The following SPATA13 variants were observed in gnomAD, a reference collection of about 807,000 sequenced individuals.
SPATA13 encodes spermatogenesis associated 13.
A neutral mutation model predicts 104.0 loss-of-function variants in SPATA13; 50 were observed. The ratio of observed to expected loss-of-function variants is 0.48; its 90% CI spans 0.38 to 0.61. The LOEUF (loss-of-function observed/expected upper bound fraction) is 0.61, where lower values mean the gene tolerates loss of function less well. Ranked by LOEUF, SPATA13 falls within the 20% of genes least tolerant of loss-of-function variation. The probability of loss-of-function intolerance (pLI) is 0.00; values close to 1 mark genes in which losing one functional copy is unlikely to be tolerated. For missense variants in SPATA13, 1,524 were observed against 1,690.6 expected, an observed-to-expected ratio of 0.90 and a Z score of 1.73; for synonymous variants, 606 against 667.5, an observed-to-expected ratio of 0.91 and a Z score of 1.42.
chr13:24,165,690 G>T (rs778488595), intron 1 of SPATA13, among the ~76,000 whole-genome samples: 29 of 152,186 alleles, frequency 1.9e-4, no homozygotes, highest in Non-Finnish European at 3.8e-4. Flanking sequence ...TCCAATGGGG[G>T]CAGGAGGCTG....
intron 4 of SPATA13, chr13:24,270,868 G>T: frequency 6.2e-7 from 1 of 1,612,850 alleles, no homozygotes; most frequent in East Asian, 2.2e-5. Context: ...ATGGTAGCTA[G>T]AGGGGAGATA....
intron 2 of SPATA13, among the ~76,000 whole-genome samples, chr13:23,986,110 G>C (rs1032113877): frequency 1.3e-5 from 2 of 152,164 alleles, no homozygotes; most frequent in Non-Finnish European, 2.9e-5. Flanking sequence ...ATGCAGTTCT[G>C]GTGTGTTAGG....
Position 24,222,969 on chromosome 13 carries a change from G to A in SPATA13, c.40G>A (p.Glu14Lys). The change falls in exon 2 of 13, where the codon GAG becomes AAG. Residue 14 changes from glutamate to lysine, a missense_variant. Glu to Lys is a moderately conservative substitution (Grantham distance 56). Around this residue, in one of 2 missense-constraint regions of SPATA13, gnomAD observed 1,089 missense variants for 1,135.9 expected, o/e 0.96. Coordinates refer to ENST00000382108, the MANE Select transcript of SPATA13 (RefSeq NM_001166271.3). Reference protein sequence around the residue: ...AAVRPWAPCLENMTTAPNGLG... With the variant: ...AAVRPWAPCLKNMTTAPNGLG... ...CGTGCGGCCCTGGGCACCCTGCCTG[G>A]AGAACATGACCACTGCCCCAAACGG... is the stretch of plus-strand genomic sequence containing the variant. The A allele has an allele frequency of 1.3e-6, 2 of 1,551,378 alleles. No homozygotes were observed. Among genetic ancestry groups the A allele is most frequent in the South Asian group, 2.4e-5 (2 of 84,022 alleles).
intron 5 of SPATA13, among the ~76,000 whole-genome samples, chr13:24,284,642 C>T (rs561417041): frequency 5.3e-5 from 8 of 152,148 alleles, no homozygotes; most frequent in African/African-American, 7.2e-5. Context: ...CCAGCCTGGG[C>T]GACAGAGCGA....
intron 3 of SPATA13, among the ~76,000 whole-genome samples, chr13:24,113,130 C>A (rs939625233): frequency 6.6e-6 from 1 of 152,188 alleles, no homozygotes; most frequent in Non-Finnish European, 1.5e-5. Context: ...AAAGGCTAAC[C>A]GGACAATGTC....
chr13:24,173,090 C>CT (rs1566132385), intron 1 of SPATA13, among the ~76,000 whole-genome samples: 1 of 151,896 alleles, frequency 6.6e-6, no homozygotes, highest in Non-Finnish European at 1.5e-5. Flanking sequence ...TAAATATATA[C>CT]TTTTTGAGAC....
At position 24,100,821 on chromosome 13, in the gene SPATA13, A is replaced by G. The variant is rs376403950; in HGVS notation, c.-112+83120A>G. On this transcript the variant is annotated intron_variant, in intron 3 of 14. Transcript: ENST00000424834. Reference sequence around the variant, plus strand: ...TGTTGCAAGATGCATTTCACTGCACATCTTCATCCAAGCTTCCCACCCTCC... The same window carrying G: ...TGTTGCAAGATGCATTTCACTGCACGTCTTCATCCAAGCTTCCCACCCTCC... Among the ~76,000 whole-genome samples, 21 of 152,330 alleles carry G rather than the reference A, an allele frequency of 1.4e-4. No homozygotes were observed. In the South Asian group the frequency reaches 4.4e-3, roughly 32 times the overall value.
intron 3 of SPATA13, among the ~76,000 whole-genome samples, chr13:24,144,818 C>T (rs1316061019): frequency 5.3e-5 from 8 of 152,198 alleles, no homozygotes; most frequent in Non-Finnish European, 1.2e-4. Flanking sequence ...TGAGCAAATC[C>T]TTGCACCCTC....
intron 1 of SPATA13, among the ~76,000 whole-genome samples, chr13:24,194,456 C>T (rs1429544423): frequency 1.3e-5 from 2 of 152,122 alleles, no homozygotes; most frequent in Non-Finnish European, 2.9e-5. Context: ...ACTGACAGAG[C>T]GAACCATCCA....
intron 2 of SPATA13, among the ~76,000 whole-genome samples, chr13:23,997,531 A>G (rs1875753623): frequency 8.3e-6 from 1 of 120,686 alleles, no homozygotes; most frequent in Non-Finnish European, 1.7e-5. Context: ...ATTGCTTAGT[A>G]GTTATATTAG....
rs1223442521 is a variant in SPATA13, at chr13:24,290,793, A to C, written c.2989A>C (p.Ile997Leu). Reference protein sequence around the residue: ...RLLQQMIDIAIDGFLLTPVQK... With the variant: ...RLLQQMIDIALDGFLLTPVQK... ...GCTGCAGCAGATGATTGACATCGCCATCGACGGGTTCCTGCTCACACCAGT... is the reference window on the plus strand; with the variant it reads ...GCTGCAGCAGATGATTGACATCGCCCTCGACGGGTTCCTGCTCACACCAGT... The change falls in exon 9 of 13, where the codon ATC becomes CTC. Residue 997 changes from isoleucine to leucine, a missense_variant. Ile to Leu is a conservative substitution (Grantham distance 5). Around this residue, in one of 2 missense-constraint regions of SPATA13, gnomAD observed 435 missense variants for 554.8 expected, o/e 0.78. Coordinates refer to ENST00000382108, the MANE Select transcript of SPATA13 (RefSeq NM_001166271.3). 1 of 1,614,092 alleles carries C rather than the reference A, an allele frequency of 6.2e-7. No individual in the cohort carries two copies. The highest frequency in any genetic ancestry group is 1.3e-5 in the African/African-American group (1 of 74,944).
intron 1 of SPATA13, among the ~76,000 whole-genome samples, chr13:24,182,385 C>T (rs949310636): frequency 6.6e-6 from 1 of 152,076 alleles, no homozygotes; most frequent in African/African-American, 2.4e-5. Context: ...GTACAGGAAA[C>T]ATAGTGCCAG....
rs554863116 is a variant in SPATA13 at position 24,172,161 on chromosome 13, C to G, written c.-112+11229C>G. Among the ~76,000 whole-genome samples, 4 of 152,324 alleles carry G rather than the reference C, an allele frequency of 2.6e-5. No individual in the cohort carries two copies. The South Asian group carries it at 8.3e-4, about 32-fold the overall frequency. ...CTGCCTTTCTCCCTGAGAGCCACTA[C>G]TTTATTCTCTATATAATTTTATCCT... is the stretch of plus-strand genomic sequence containing the variant. On this transcript the variant is annotated intron_variant, in intron 1 of 12. Coordinates refer to ENST00000382108, the MANE Select transcript of SPATA13 (RefSeq NM_001166271.3).
intron 3 of SPATA13, among the ~76,000 whole-genome samples, chr13:24,070,948 C>T (rs569547329): frequency 2.0e-5 from 3 of 152,192 alleles, no homozygotes; most frequent in Non-Finnish European, 4.4e-5. Flanking sequence ...GATCTTAGGA[C>T]GTGCTGACCT....
At chr13:24,113,868 CAAAAAAA>C (rs958434459) in intron 3 of SPATA13, among the ~76,000 whole-genome samples, 4 of 56,174 alleles carry the variant, frequency 7.1e-5, no homozygotes, top group African/African-American at 2.5e-4. Flanking sequence ...GACTCGATCT[CAAAAAAA>C]AAAAAAAAAA....
At chr13:23,998,151 T>C (rs2810702) in intron 2 of SPATA13, among the ~76,000 whole-genome samples, 117,442 of 152,060 alleles carry the variant, frequency 0.77, 45,498 homozygotes, top group African/African-American at 0.81. Context: ...AACTGTTTTC[T>C]GAAGTCTTTG....
chr13:24,120,805 C>T (rs1347425825), intron 3 of SPATA13, among the ~76,000 whole-genome samples: 1 of 152,134 alleles, frequency 6.6e-6, no homozygotes, highest in Non-Finnish European at 1.5e-5. Flanking sequence ...CATTGCCTAC[C>T]AGGTACTTAC....
chr13:24,073,268 C>G (rs1321966324), intron 3 of SPATA13, among the ~76,000 whole-genome samples: 1 of 152,184 alleles, frequency 6.6e-6, no homozygotes, highest in African/African-American at 2.4e-5. Context: ...GTTTGTGAAT[C>G]CCACTACCCC....
At chr13:24,077,576 A>G (rs189654435) in intron 3 of SPATA13, among the ~76,000 whole-genome samples, 26 of 152,136 alleles carry the variant, frequency 1.7e-4, no homozygotes, top group African/African-American at 6.3e-4. Context: ...AGTACACAAG[A>G]TACCCCGTAA....
Sources: gnomAD v4.1 joint callset for allele counts (sites outside exome capture counted in the v4.1 genomes callset) on GRCh38, gnomAD v4.1.1 for gene constraint, gnomAD v4.1.1 regional missense constraint, MANE v1.5 for transcripts, NCBI Gene and HGNC (gene_info 2026-07-23, HGNC 2026-07-21) for gene names.